SLC44A5: variants seen among roughly 807,000 people sequenced by gnomAD.
SLC44A5 encodes the protein solute carrier family 44 member 5.
A neutral mutation model predicts 101.8 loss-of-function variants in SLC44A5; 57 were observed. That is an observed-to-expected ratio of 0.56 (90% CI 0.45 to 0.70). The LOEUF is 0.70. Ranked by LOEUF, SLC44A5 falls within the 30% of genes least tolerant of loss-of-function variation. The probability of loss-of-function intolerance (pLI) is 0.00; values close to 1 mark genes in which losing one functional copy is unlikely to be tolerated. For synonymous variants in SLC44A5, 281 were observed against 290.9 expected (o/e 0.97, Z 0.35); for missense variants, 737 against 853.1 (o/e 0.86, Z 1.70).
At chr1:75,349,079 G>A (rs928963270) in intron 3 of SLC44A5, among the ~76,000 whole-genome samples, 11 of 152,204 alleles carry the variant, frequency 7.2e-5, no homozygotes, top group Admixed American at 2.0e-4. Flanking sequence ...GCCAGCTGTG[G>A]TGGCTCACAC....
At chr1:75,289,057 T>A (rs1222754748) in intron 5 of SLC44A5, among the ~76,000 whole-genome samples, 2 of 152,050 alleles carry the variant, frequency 1.3e-5, no homozygotes, top group East Asian at 3.9e-4. Context: ...AATACAGGAG[T>A]CTTCCACCTC....
rs544157803 is a variant in SLC44A5 at position 75,532,074 on chromosome 1, A to T, written c.13+9361T>A. Among the ~76,000 whole-genome samples, 28 of 152,302 alleles carry T rather than the reference A, an allele frequency of 1.8e-4. No individual in the cohort carries two copies. The South Asian group carries it at 3.7e-3, about 20-fold the overall frequency. On this transcript the variant is annotated intron_variant, in intron 2 of 23. Coordinates refer to ENST00000370859, the MANE Select transcript of SLC44A5 (RefSeq NM_001130058.2). ...TCAGGGCTCATCCTAGACCTACTTAATCAAAAACTTCAGAAGTGGGGTCTA... is the reference window on the plus strand; with the variant it reads ...TCAGGGCTCATCCTAGACCTACTTATTCAAAAACTTCAGAAGTGGGGTCTA...
chr1:75,240,981 TTTTA>T (rs1648575199), intron 9 of SLC44A5, among the ~76,000 whole-genome samples: 1 of 152,026 alleles, frequency 6.6e-6, no homozygotes, highest in African/African-American at 2.4e-5. Context: ...ACAGTTTGAA[TTTTA>T]TTTAACATTA....
intron 1 of SLC44A5, among the ~76,000 whole-genome samples, chr1:75,564,422 C>G (rs1212117308): frequency 7.5e-6 from 1 of 133,796 alleles, no homozygotes; most frequent in African/African-American, 2.8e-5. Flanking sequence ...CATAAGTCCC[C>G]CAAAAGGATT....
intron 7 of SLC44A5, among the ~76,000 whole-genome samples, chr1:75,250,574 G>A (rs1309480410): frequency 6.6e-6 from 1 of 152,044 alleles, no homozygotes; most frequent in Non-Finnish European, 1.5e-5. Context: ...TGAGGGATGC[G>A]ACCACTTATA....
chr1:75,695,241 A>G, the SLC44A5 span, among the ~76,000 whole-genome samples: 4 of 152,214 alleles, frequency 2.6e-5, no homozygotes, highest in Admixed American at 1.3e-4. Context: ...TGGAATTTAC[A>G]AACTAGTTCC....
the SLC44A5 span, among the ~76,000 whole-genome samples, chr1:75,711,549 C>T: frequency 1.4e-3 from 207 of 152,262 alleles, no homozygotes; most frequent in African/African-American, 4.8e-3. Flanking sequence ...CAGCTCATGG[C>T]TAATAAATAG....
chr1:75,431,065 G>A (rs1056022217), intron 2 of SLC44A5, among the ~76,000 whole-genome samples: 8 of 152,128 alleles, frequency 5.3e-5, no homozygotes, highest in African/African-American at 4.8e-5. Context: ...TTATGTGAGG[G>A]GAGGATGGAG....
chr1:75,211,028 G>T (rs533575857), intron 23 of SLC44A5, among the ~76,000 whole-genome samples: 4 of 152,138 alleles, frequency 2.6e-5, no homozygotes, highest in Non-Finnish European at 5.9e-5. Flanking sequence ...TGTGTGTGTG[G>T]TGAGAATACT....
chr1:75,318,843 A>G (rs749150384), intron 4 of SLC44A5, among the ~76,000 whole-genome samples: 2 of 152,184 alleles, frequency 1.3e-5, no homozygotes, highest in Non-Finnish European at 2.9e-5. Context: ...CCAGAATAAA[A>G]TGAAGGGCAA....
chr1:75,444,413 AAGAG>A (rs1183252090), intron 2 of SLC44A5, among the ~76,000 whole-genome samples: 2 of 149,312 alleles, frequency 1.3e-5, no homozygotes, highest in African/African-American at 2.5e-5. Context: ...GAGAAAGAGA[AAGAG>A]AGAGAGAGAA....
At chr1:75,377,031 A>C (rs1038857564) in intron 3 of SLC44A5, among the ~76,000 whole-genome samples, 3 of 152,202 alleles carry the variant, frequency 2.0e-5, no homozygotes, top group Non-Finnish European at 2.9e-5. Context: ...GTGAAGAATG[A>C]AGAAGCCTCA....
intron 3 of SLC44A5, among the ~76,000 whole-genome samples, chr1:75,366,652 T>C (rs1039076409): frequency 1.3e-5 from 2 of 152,220 alleles, no homozygotes; most frequent in Non-Finnish European, 2.9e-5. Flanking sequence ...GAAATTCTTA[T>C]AATGAATTTA....
intron 1 of SLC44A5, among the ~76,000 whole-genome samples, chr1:75,542,046 TAAAG>T (rs1671381482): frequency 6.6e-6 from 1 of 152,148 alleles, no homozygotes; most frequent in Non-Finnish European, 1.5e-5. Flanking sequence ...AAATTTAAGT[TAAAG>T]AAAAGCCTTT....
chr1:75,239,498 T>C (rs1648418443), intron 9 of SLC44A5, among the ~76,000 whole-genome samples: 1 of 151,828 alleles, frequency 6.6e-6, no homozygotes, highest in Non-Finnish European at 1.5e-5. Context: ...AAAGAAGAAA[T>C]AGGTCTCTTT....
chr1:75,317,879 G>T (rs951086765), intron 4 of SLC44A5, among the ~76,000 whole-genome samples: 1 of 151,964 alleles, frequency 6.6e-6, no homozygotes, highest in South Asian at 2.1e-4. Flanking sequence ...ACCTCCAAAG[G>T]CCCCACCTCC....
intron 2 of SLC44A5, among the ~76,000 whole-genome samples, chr1:75,421,871 T>C (rs1433332392): frequency 6.6e-6 from 1 of 151,664 alleles, no homozygotes; most frequent in Non-Finnish European, 1.5e-5. Context: ...TGTTACTTTT[T>C]TGAAAAAAAA....
Position 75,337,173 on chromosome 1 carries a change from C to T in SLC44A5, c.101+2409G>A, listed in dbSNP as rs115562696. 8.9e-3 allele frequency among the ~76,000 whole-genome samples: 1,337 copies of T among 150,696 alleles called. 22 individuals carry two copies. Among genetic ancestry groups the T allele is most frequent in the African/African-American group, 0.031 (1,280 of 41,434 alleles). ...TATCCCTGGATTCTATGTCACACTG[C>T]TTCCTTCCCATTCTTGTTTTCTTTC... On this transcript the variant is annotated intron_variant, in intron 4 of 23. Transcript: ENST00000370859.
chr1:75,586,684 A>T (rs1570680428), intron 1 of SLC44A5, among the ~76,000 whole-genome samples: 1 of 152,118 alleles, frequency 6.6e-6, no homozygotes, highest in Non-Finnish European at 1.5e-5. Context: ...GACTTAAGAT[A>T]TATGATTGCA....
Sources: allele counts gnomAD v4.1 joint callset (sites outside exome capture counted in the v4.1 genomes callset), GRCh38; gene constraint gnomAD v4.1.1; transcripts MANE v1.5; gene names NCBI Gene and HGNC (gene_info 2026-07-23, HGNC 2026-07-21).